Variants in CACNA2D3 observed in about 807,000 individuals in gnomAD.
CACNA2D3 encodes the protein calcium voltage-gated channel auxiliary subunit alpha2delta 3.
A neutral mutation model predicts 160.6 loss-of-function variants in CACNA2D3; 60 were observed. The observed-to-expected ratio is 0.37, with a 90% CI of 0.30 to 0.46. The LOEUF (loss-of-function observed/expected upper bound fraction) is 0.46, where lower values mean the gene tolerates loss of function less well. Among genes scored for constraint, CACNA2D3 ranks in the 20% least tolerant of loss-of-function variants. The probability of loss-of-function intolerance (pLI) is 1.00; values close to 1 mark genes in which losing one functional copy is unlikely to be tolerated. For missense variants in CACNA2D3, 1,205 were observed against 1,365.0 expected (o/e 0.88, Z 1.85); for synonymous variants, 558 against 492.9 (o/e 1.13, Z -1.75).
At chr3:54,441,259 G>C (rs1324793344) in intron 4 of CACNA2D3, among the ~76,000 whole-genome samples, 1 of 152,140 alleles carries the variant, frequency 6.6e-6, no homozygotes, top group Non-Finnish European at 1.5e-5. Context: ...ATTTTCTCAT[G>C]TGTCTTTTGG....
chr3:54,462,293 C>A (rs538260377), intron 4 of CACNA2D3, among the ~76,000 whole-genome samples: 54 of 152,248 alleles, frequency 3.5e-4, no homozygotes, highest in Admixed American at 8.5e-4. Context: ...TCTATTAGGT[C>A]CACTTGGTGC....
intron 3 of CACNA2D3, among the ~76,000 whole-genome samples, chr3:54,361,440 A>G (rs1364339149): frequency 2.0e-5 from 3 of 152,190 alleles, no homozygotes; most frequent in African/African-American, 7.2e-5. Context: ...TCAGCTTCTC[A>G]GGTTTTGCTT....
intron 2 of CACNA2D3, among the ~76,000 whole-genome samples, chr3:54,275,675 T>C (rs1159930830): frequency 6.6e-6 from 1 of 152,136 alleles, no homozygotes; most frequent in Non-Finnish European, 1.5e-5. Flanking sequence ...TGGAGTGCAG[T>C]GGCATGATCT....
At chr3:54,430,693 G>A (rs1699976333) in intron 4 of CACNA2D3, among the ~76,000 whole-genome samples, 1 of 152,128 alleles carries the variant, frequency 6.6e-6, no homozygotes, top group Non-Finnish European at 1.5e-5. Context: ...CAATGACTTT[G>A]ACTTTTAGAC....
At chr3:54,645,048 C>A (rs990443959) in intron 11 of CACNA2D3, among the ~76,000 whole-genome samples, 1 of 152,198 alleles carries the variant, frequency 6.6e-6, no homozygotes. Context: ...TTTCACACTG[C>A]TATAAAGAAC....
intron 14 of CACNA2D3, among the ~76,000 whole-genome samples, chr3:54,825,421 T>C (rs1703729130): frequency 6.6e-6 from 1 of 152,246 alleles, no homozygotes; most frequent in African/African-American, 2.4e-5. Flanking sequence ...TCCTTGCTTA[T>C]AGATACAATT....
chr3:54,519,729 G>A (rs528683500), intron 5 of CACNA2D3, among the ~76,000 whole-genome samples: 2 of 152,308 alleles, frequency 1.3e-5, no homozygotes, highest in African/African-American at 4.8e-5. Flanking sequence ...ATAATGGATG[G>A]CCAACTTAGC....
chr3:54,661,127 T>C (rs376003485), intron 11 of CACNA2D3, among the ~76,000 whole-genome samples: 4 of 152,260 alleles, frequency 2.6e-5, no homozygotes, highest in African/African-American at 9.6e-5. Flanking sequence ...CCAGGAAGGC[T>C]TCTGAGGCCC....
At chr3:54,207,459 C>T (rs935026896) in intron 2 of CACNA2D3, among the ~76,000 whole-genome samples, 2 of 140,608 alleles carry the variant, frequency 1.4e-5, no homozygotes, top group Non-Finnish European at 2.9e-5. Flanking sequence ...CCATTTAAGA[C>T]CAAGTTGAAA....
chr3:54,470,434 C>T (rs182977526), intron 4 of CACNA2D3, among the ~76,000 whole-genome samples: 54 of 151,982 alleles, frequency 3.6e-4, no homozygotes, highest in African/African-American at 1.2e-3. Flanking sequence ...GAAGGAAGCA[C>T]TAAATATGGA....
At chr3:54,967,130 TATCCTAGAGTCGGAA>T (rs1361314128) in intron 27 of CACNA2D3, 1 of 152,214 alleles carries the variant, frequency 6.6e-6, no homozygotes, top group African/African-American at 2.4e-5. Flanking sequence ...CTCTAGTCTT[TATCCTAGAGTCGGAA>T]ATTCTAAGTG....
chr3:54,909,769 A>T (rs534609095), intron 27 of CACNA2D3, among the ~76,000 whole-genome samples: 36 of 152,066 alleles, frequency 2.4e-4, no homozygotes, highest in Non-Finnish European at 4.7e-4. Flanking sequence ...TGAATCAGCA[A>T]ATGAGACCTA....
intron 13 of CACNA2D3, among the ~76,000 whole-genome samples, chr3:54,770,315 C>T (rs1702297144): frequency 6.6e-6 from 1 of 152,158 alleles, no homozygotes; most frequent in Non-Finnish European, 1.5e-5. Flanking sequence ...ATGATGTTAA[C>T]ATCATTCTCA....
chr3:54,940,858 C>T (rs1194655891), intron 27 of CACNA2D3, among the ~76,000 whole-genome samples: 1 of 152,146 alleles, frequency 6.6e-6, no homozygotes, highest in African/African-American at 2.4e-5. Context: ...AATGAGTTCA[C>T]CTCCCTAGCA....
intron 27 of CACNA2D3, among the ~76,000 whole-genome samples, chr3:54,961,531 C>T (rs945060966): frequency 2.0e-5 from 3 of 152,328 alleles, no homozygotes; most frequent in African/African-American, 7.2e-5. Context: ...GTTTGTAGAA[C>T]AAGCCAGTGC....
chr3:54,385,763 C>A, intron 3 of CACNA2D3: 1 of 358,492 alleles, frequency 2.8e-6, no homozygotes, highest in South Asian at 2.1e-5. Context: ...CACACGTGGC[C>A]TATTAAACTC....
chr3:54,266,933 T>C (rs1315702502), intron 2 of CACNA2D3, among the ~76,000 whole-genome samples: 1 of 151,934 alleles, frequency 6.6e-6, no homozygotes, highest in Admixed American at 6.6e-5. Context: ...TTTGCAACAC[T>C]TCTCTGTCTT....
chr3:54,700,536 T>C (rs1353871905), intron 11 of CACNA2D3, among the ~76,000 whole-genome samples: 1 of 152,232 alleles, frequency 6.6e-6, no homozygotes, highest in South Asian at 2.1e-4. Context: ...TTGAATAAAG[T>C]TCTGTTGGAC....
intron 4 of CACNA2D3, among the ~76,000 whole-genome samples, chr3:54,469,857 A>G (rs1179695868): frequency 6.6e-6 from 1 of 152,074 alleles, no homozygotes; most frequent in East Asian, 1.9e-4. Flanking sequence ...TTAATGAGAT[A>G]AAGTGTGAAG....
Sources: gnomAD v4.1 joint callset for allele counts (sites outside exome capture counted in the v4.1 genomes callset) on GRCh38, gnomAD v4.1.1 for gene constraint, MANE v1.5 for transcripts, NCBI Gene and HGNC (gene_info 2026-07-23, HGNC 2026-07-21) for gene names.